The following UGT8 variants were observed in gnomAD, a reference collection of about 807,000 sequenced individuals.
UGT8 encodes the protein UDP glycosyltransferase 8.
Under a neutral mutation model 40.5 loss-of-function variants are expected in UGT8, and 12 were observed. That is an observed-to-expected ratio of 0.30 (90% CI 0.19 to 0.48). The LOEUF is 0.48. UGT8 is among the 20% of genes least tolerant of loss of function. The pLI, the probability that UGT8 is intolerant of heterozygous loss-of-function variation, is 0.99. For missense variants in UGT8, 513 were observed against 648.7 expected, an observed-to-expected ratio of 0.79 and a Z score of 2.27; for synonymous variants, 224 against 240.4, an observed-to-expected ratio of 0.93 and a Z score of 0.63.
At chr4:114,606,927 A>G (rs1411196153) in intron 1 of UGT8, among the ~76,000 whole-genome samples, 1 of 152,178 alleles carries the variant, frequency 6.6e-6, no homozygotes, top group Non-Finnish European at 1.5e-5. Flanking sequence ...GTGATCCTCA[A>G]TGTCCAAAAT....
At chr4:114,647,697 A>G (rs895723944) in intron 2 of UGT8, among the ~76,000 whole-genome samples, 4 of 152,234 alleles carry the variant, frequency 2.6e-5, no homozygotes, top group African/African-American at 9.6e-5. Context: ...CTAGAAGGTA[A>G]GGACTGCTTG....
At position 114,624,199 on chromosome 4, in the gene UGT8, A is replaced by G. The variant is rs566556307; in HGVS notation, c.822+497A>G. ...GTGAGGTGGTAACTTCCATCAAAGTAGGGAGTTGGTTAATTTAAGCTAGTA... is the reference window on the plus strand; with the variant it reads ...GTGAGGTGGTAACTTCCATCAAAGTGGGGAGTTGGTTAATTTAAGCTAGTA... On this transcript the variant is annotated intron_variant, in intron 2 of 5. Coordinates refer to ENST00000310836, the MANE Select transcript of UGT8 (RefSeq NM_001128174.3). Among the ~76,000 whole-genome samples the G allele has an allele frequency of 2.0e-5, 3 of 152,342 alleles. No homozygotes were observed. In the South Asian group the frequency reaches 6.2e-4, roughly 32 times the overall value.
chr4:114,617,821 A>G (rs1478358792), intron 1 of UGT8, among the ~76,000 whole-genome samples: 1 of 152,222 alleles, frequency 6.6e-6, no homozygotes, highest in Non-Finnish European at 1.5e-5. Context: ...ACCAGCAAAT[A>G]GAGACTGATG....
chr4:114,624,882 C>T (rs549563354), intron 2 of UGT8, among the ~76,000 whole-genome samples: 12 of 152,270 alleles, frequency 7.9e-5, no homozygotes, highest in Admixed American at 6.5e-5. Flanking sequence ...CACACTTGTT[C>T]TCTCTGACGT....
At chr4:114,663,780 C>A in intron 2 of UGT8, 1 of 985,090 alleles carries the variant, frequency 1.0e-6, no homozygotes, top group African/African-American at 1.7e-5. Flanking sequence ...ACTTACAGAT[C>A]TTACCAAATA....
chr4:114,623,050 C>A lies in UGT8; in HGVS notation c.170C>A (p.Ser57Tyr). The A allele has an allele frequency of 6.2e-7, 1 of 1,614,146 alleles. No individual in the cohort carries two copies. ...ERGHHTVFLL[S>Y]EGRDIAPSNH... ...GGCCACCATACAGTGTTCCTCCTCT[C>A]TGAAGGCAGAGACATCGCCCCATCT... Residue 57 changes from serine (S) to tyrosine (Y), a missense_variant, in exon 2 of 6, where the codon TCT becomes TAT. This residue lies in a region of UGT8 where 335 missense variants were observed against 444.8 expected (regional missense o/e 0.75). Coordinates refer to ENST00000310836, the MANE Select transcript of UGT8 (RefSeq NM_001128174.3).
At chr4:114,640,033 G>GT (rs5861187) in intron 2 of UGT8, among the ~76,000 whole-genome samples, 96,151 of 139,152 alleles carry the variant, frequency 0.69, 34,799 homozygotes, top group East Asian at 0.92. Context: ...ATGTTTGTTT[G>GT]TTTTTTTTTT....
intron 4 of UGT8, 71 bp from the exon 5 acceptor site, chr4:114,668,014 T>C (rs540207610): frequency 6.4e-7 from 1 of 1,557,732 alleles, no homozygotes; most frequent in Non-Finnish European, 8.7e-7. Context: ...CGATTTTTAA[T>C]GAATTTCTGG....
At chr4:114,603,141 T>C (rs1223738620) in intron 1 of UGT8, among the ~76,000 whole-genome samples, 1 of 151,960 alleles carries the variant, frequency 6.6e-6, no homozygotes, top group Non-Finnish European at 1.5e-5. Flanking sequence ...GTGGGTGGTA[T>C]AGGAGGATGG....
Position 114,676,129 on chromosome 4 carries a change from C to T in UGT8, c.1467C>T (p.Tyr489=), listed in dbSNP as rs575729949. Reference sequence around the variant, plus strand: ...TTTTGCTTGGTGCTGCCTTGTTATACTTTCTCTTGTCTTGGGTGACAAAAT... The same window carrying T: ...TTTTGCTTGGTGCTGCCTTGTTATATTTTCTCTTGTCTTGGGTGACAAAAT... ...FVLLLGAALL[Y]FLLSWVTKFI... The change falls in exon 6 of 6, where the codon TAC becomes TAT. Residue 489 remains tyrosine (Y), a synonymous_variant. Transcript: ENST00000310836. 4 of 1,614,170 alleles carry T rather than the reference C, an allele frequency of 2.5e-6. No individual in the cohort carries two copies. The highest frequency in any genetic ancestry group is 1.6e-4 in the Middle Eastern group (1 of 6,062).
intron 2 of UGT8, among the ~76,000 whole-genome samples, chr4:114,649,050 G>A (rs1330695145): frequency 1.3e-5 from 2 of 152,044 alleles, no homozygotes; most frequent in South Asian, 4.2e-4. Flanking sequence ...AATTACTAAC[G>A]CAATATGATT....
intron 2 of UGT8, among the ~76,000 whole-genome samples, chr4:114,631,850 A>G (rs1414756176): frequency 1.3e-5 from 2 of 152,246 alleles, no homozygotes; most frequent in African/African-American, 4.8e-5. Flanking sequence ...AATTGCACCC[A>G]AACAAATGGA....
Position 114,623,716 on chromosome 4 carries a change from A to G in UGT8, c.822+14A>G. ...CCACTACCAGAAGTAAGGTTTGCCG[A>G]ATTCCTTGGTAATTCTTTTTTAATG... is the stretch of plus-strand genomic sequence containing the variant. On this transcript the variant is annotated intron_variant, in intron 2 of 5. Coordinates refer to ENST00000310836, the MANE Select transcript of UGT8 (RefSeq NM_001128174.3). The G allele has an allele frequency of 1.9e-5, 30 of 1,565,766 alleles. No individual in the cohort carries two copies. Among genetic ancestry groups the G allele is most frequent in the Non-Finnish European group, 2.5e-5 (29 of 1,158,420 alleles).
At chr4:114,635,808 G>A (rs1732853316) in intron 2 of UGT8, among the ~76,000 whole-genome samples, 1 of 152,136 alleles carries the variant, frequency 6.6e-6, no homozygotes, top group African/African-American at 2.4e-5. Context: ...GTATTCTGAT[G>A]TGTAATTTGA....
chr4:114,656,225 C>T (rs10011293), intron 2 of UGT8, among the ~76,000 whole-genome samples: 27,039 of 151,886 alleles, frequency 0.18, 2,603 homozygotes, highest in Middle Eastern at 0.22. Context: ...TCATCAGTCT[C>T]TGTGTCTTTA....
At chr4:114,625,509 TAAAAAA>T (rs767102968) in intron 2 of UGT8, among the ~76,000 whole-genome samples, 21 of 75,274 alleles carry the variant, frequency 2.8e-4, no homozygotes, top group African/African-American at 9.3e-4. Flanking sequence ...AGACCCTGTC[TAAAAAA>T]AAAAAAAAAA....
chr4:114,635,645 C>G (rs1019175794), intron 2 of UGT8, among the ~76,000 whole-genome samples: 3 of 152,110 alleles, frequency 2.0e-5, no homozygotes, highest in Admixed American at 6.5e-5. Context: ...ATGCTTCAAG[C>G]TTTTGCAAAT....
At chr4:114,616,328 G>A (rs572999651) in intron 1 of UGT8, among the ~76,000 whole-genome samples, 8 of 152,202 alleles carry the variant, frequency 5.3e-5, no homozygotes, top group Admixed American at 2.0e-4. Context: ...CCTCATGGCC[G>A]CCTTGCAGTT....
intron 2 of UGT8, among the ~76,000 whole-genome samples, chr4:114,654,503 A>C (rs1213100217): frequency 6.6e-6 from 1 of 152,058 alleles, no homozygotes; most frequent in Non-Finnish European, 1.5e-5. Context: ...TCTGTGCTCT[A>C]TACTGTCTGG....
Sources: allele counts gnomAD v4.1 joint callset (sites outside exome capture counted in the v4.1 genomes callset), GRCh38; gene constraint gnomAD v4.1.1; regional missense constraint gnomAD v4.1.1; transcripts MANE v1.5; gene names NCBI Gene and HGNC (gene_info 2026-07-23, HGNC 2026-07-21).